Variants in BTBD16 observed in about 807,000 individuals in gnomAD.
BTBD16 encodes BTB domain containing 16, also known as BTB/POZ domain-containing protein 16.
Under a neutral mutation model 67.4 loss-of-function variants are expected in BTBD16, and 66 were observed. The ratio of observed to expected loss-of-function variants is 0.98; its 90% CI spans 0.80 to 1.20. The LOEUF (loss-of-function observed/expected upper bound fraction) is 1.20. Among genes scored for constraint, BTBD16 ranks in the 50% most tolerant of loss-of-function variants. The pLI is 0.00. For missense variants in BTBD16, 634 were observed against 616.0 expected (o/e 1.03, Z -0.31); for synonymous variants, 242 against 236.4 (o/e 1.02, Z -0.22).
chr10:122,281,816 C>T (rs1024235174), intron 3 of BTBD16, among the ~76,000 whole-genome samples: 20 of 152,178 alleles, frequency 1.3e-4, no homozygotes, highest in African/African-American at 4.1e-4. Flanking sequence ...CCAGGAAGTC[C>T]GTATGTCCAT....
At chr10:122,313,259 T>G (rs1241956712) in intron 10 of BTBD16, among the ~76,000 whole-genome samples, 1 of 24,934 alleles carries the variant, frequency 4.0e-5, no homozygotes, top group Non-Finnish European at 6.1e-5. Flanking sequence ...TTAGTGCTGT[T>G]TTTTTTTTTT....
intron 9 of BTBD16, among the ~76,000 whole-genome samples, chr10:122,304,636 G>A (rs1366396572): frequency 6.8e-6 from 1 of 146,322 alleles, no homozygotes; most frequent in Admixed American, 7.2e-5. Flanking sequence ...CTCACTGCAA[G>A]CTCTGCCTCC....
Position 122,336,494 on chromosome 10 carries a change from A to T in BTBD16, c.1264A>T (p.Arg422Ter), listed in dbSNP as rs2096463393. Residue 422 changes from arginine (R) to a stop codon, truncating the protein, a stop_gained and splice_region_variant, in exon 15 of 16, where the codon AGA becomes TGA. Transcript: ENST00000260723. LOFTEE classifies it high-confidence loss of function. ...DTTSYSFYMQRIKHTDLESPS... is the reference protein window; with the variant it reads ...DTTSYSFYMQ ...CTAAGGTGAATCACTCTCTTTGCAG[A>T]GAATAAAGCACACAGACCTGGAATC... The T allele has an allele frequency of 6.3e-7, 1 of 1,598,370 alleles. No homozygotes were observed. The highest frequency in any genetic ancestry group is 1.4e-5 in the African/African-American group (1 of 74,054).
At chr10:122,292,804 T>A (rs2096376534) in intron 7 of BTBD16, among the ~76,000 whole-genome samples, 1 of 152,234 alleles carries the variant, frequency 6.6e-6, no homozygotes, top group Admixed American at 6.5e-5. Context: ...GAATGAAGTT[T>A]GGGAATTCCT....
chr10:122,291,260 C>T (rs767513714), intron 7 of BTBD16, 66 bp downstream of exon 7: 2 of 1,545,288 alleles, frequency 1.3e-6, no homozygotes, highest in Non-Finnish European at 1.7e-6. Flanking sequence ...CAATTCCTGG[C>T]CCATTTGCTG....
intron 7 of BTBD16, among the ~76,000 whole-genome samples, chr10:122,296,875 G>A (rs572012012): frequency 7.9e-5 from 12 of 152,234 alleles, no homozygotes; most frequent in Non-Finnish European, 1.6e-4. Context: ...GTTAAACAAC[G>A]GCACTGCAGC....
In BTBD16 at chr10:122,331,170, T is replaced by C; in HGVS notation, c.1004-6T>C. 6.2e-7 allele frequency: 1 copy of C among 1,609,588 alleles called. No individual in the cohort carries two copies. Among genetic ancestry groups the C allele is most frequent in the East Asian group, 2.2e-5 (1 of 44,698 alleles). On this transcript the variant is annotated splice_polypyrimidine_tract_variant and splice_region_variant and intron_variant, in intron 11 of 15. Transcript: ENST00000260723. The stretch of plus-strand genomic sequence containing the variant: ...TAAAAAACATTCTCTTTGCGTTTCT[T>C]CCCAGGCAAGGATCTGGAGGTGCTG...
At chr10:122,283,633 A>C (rs1298669311) in intron 3 of BTBD16, among the ~76,000 whole-genome samples, 3 of 152,180 alleles carry the variant, frequency 2.0e-5, no homozygotes, top group East Asian at 3.9e-4. Context: ...CCTACCCACA[A>C]ACTGAACACA....
chr10:122,297,956 A>C (rs926705160), intron 8 of BTBD16, 119 bp downstream of exon 8: 3 of 840,118 alleles, frequency 3.6e-6, no homozygotes, highest in East Asian at 5.4e-5. Context: ...GAAGTCATCA[A>C]ATATTTTATT....
intron 10 of BTBD16, among the ~76,000 whole-genome samples, chr10:122,312,273 A>C (rs2096415035): frequency 6.7e-6 from 1 of 148,832 alleles, no homozygotes; most frequent in African/African-American, 2.5e-5. Context: ...TGCCAACACT[A>C]GGTATCTTCA....
intron 10 of BTBD16, among the ~76,000 whole-genome samples, chr10:122,319,250 T>C (rs939039699): frequency 9.8e-5 from 15 of 152,332 alleles, no homozygotes; most frequent in African/African-American, 3.4e-4. Context: ...GTGTTGACTT[T>C]TTTCTTCTTT....
chr10:122,323,420 A>C (rs954353911), intron 10 of BTBD16, among the ~76,000 whole-genome samples: 2 of 152,154 alleles, frequency 1.3e-5, no homozygotes, highest in Non-Finnish European at 2.9e-5. Flanking sequence ...GCTCAGCAGG[A>C]GATTGACAAG....
intron 7 of BTBD16, among the ~76,000 whole-genome samples, chr10:122,293,582 G>A (rs189793159): frequency 5.4e-4 from 83 of 152,322 alleles, no homozygotes; most frequent in Admixed American, 4.1e-3. Context: ...CTGGTGTAGC[G>A]TCTTAGAACC....
intron 13 of BTBD16, chr10:122,332,918 G>A: frequency 2.0e-6 from 2 of 985,308 alleles, no homozygotes; most frequent in Non-Finnish European, 2.4e-6. Context: ...TAAGCTTATA[G>A]GGGTGAACTC....
In BTBD16 at chr10:122,285,939, A is replaced by G. The variant is rs1331594647; in HGVS notation, c.242-166A>G. Among the ~76,000 whole-genome samples, 3 of 152,106 alleles carry G rather than the reference A, an allele frequency of 2.0e-5. No individual in the cohort carries two copies. In the East Asian group the frequency reaches 5.8e-4, roughly 29 times the overall value. On this transcript the variant is annotated intron_variant, in intron 4 of 15. Coordinates refer to ENST00000260723, the MANE Select transcript of BTBD16 (RefSeq NM_144587.5). ...CCCCCTCAAAGCCACTAAGCCCCCG[A>G]GGCCCACACTTCACTGCTTCCTTTC...
intron 2 of BTBD16, among the ~76,000 whole-genome samples, 196 bp downstream of exon 2, chr10:122,275,295 G>A (rs768558039): frequency 2.6e-5 from 4 of 152,128 alleles, no homozygotes; most frequent in Admixed American, 6.6e-5. Flanking sequence ...CTGAGCTGAC[G>A]ATGTTTTACT....
chr10:122,288,867 G>A (rs1465875334), intron 5 of BTBD16, among the ~76,000 whole-genome samples: 2 of 152,186 alleles, frequency 1.3e-5, no homozygotes, highest in African/African-American at 4.8e-5. Flanking sequence ...GTGGGGGCAT[G>A]ATGGGCAGAG....
intron 13 of BTBD16, 99 bp from the exon 14 acceptor site, chr10:122,334,782 A>G: frequency 1.4e-6 from 1 of 717,102 alleles, no homozygotes; most frequent in Non-Finnish European, 2.4e-6. Context: ...TCAGCCTCCC[A>G]AAGTGCTGGG....
At chr10:122,311,755 C>G (rs563203418) in intron 10 of BTBD16, among the ~76,000 whole-genome samples, 1 of 152,236 alleles carries the variant, frequency 6.6e-6, no homozygotes, top group Non-Finnish European at 1.5e-5. Flanking sequence ...CAGACCAGAA[C>G]AGGGGACATG....
Sources: allele counts gnomAD v4.1 joint callset (sites outside exome capture counted in the v4.1 genomes callset), GRCh38; gene constraint gnomAD v4.1.1; transcripts MANE v1.5; gene names NCBI Gene and HGNC (gene_info 2026-07-23, HGNC 2026-07-21).